The following LMO3 variants were observed in gnomAD, a reference collection of about 807,000 sequenced individuals.
LMO3 encodes LIM domain only protein 3.
LMO3 carries 2 observed loss-of-function variants against 15.8 expected under a neutral mutation model. The ratio of observed to expected loss-of-function variants is 0.13; its 90% CI spans 0.05 to 0.40. LMO3 has a LOEUF of 0.40. Among genes scored for constraint, LMO3 ranks in the 10% least tolerant of loss-of-function variants. The probability of loss-of-function intolerance (pLI) is 0.99; values close to 1 mark genes in which losing one functional copy is unlikely to be tolerated. For missense variants in LMO3, 86 were observed against 182.2 expected (o/e 0.47, Z 3.04); for synonymous variants, 62 against 63.8 (o/e 0.97, Z 0.13).
intron 3 of LMO3, among the ~76,000 whole-genome samples, chr12:16,553,900 T>C (rs957623867): frequency 6.6e-6 from 1 of 151,074 alleles, no homozygotes; most frequent in Non-Finnish European, 1.5e-5. Context: ...AAAGGAGTGA[T>C]AGCCAGAGGA....
Position 16,589,969 on chromosome 12 carries a change from C to T in LMO3, c.206+10686G>A, listed in dbSNP as rs1013989479. 6.6e-6 allele frequency among the ~76,000 whole-genome samples: 1 copy of T among 151,996 alleles called. No individual in the cohort carries two copies. The highest frequency in any genetic ancestry group is 1.5e-5 in the Non-Finnish European group (1 of 67,990). ...TTTGTGCATGAAGTATAAATGCCAC[C>T]GTTTTTGAAAGCCCACCCATTCATC... is the stretch of plus-strand genomic sequence containing the variant. On this transcript the variant is annotated intron_variant, in intron 2 of 3. Transcript: ENST00000537304. This position sits in a 1 kb window ranked among gnomAD's most constrained non-coding sequence, Gnocchi z 4.2.
chr12:16,582,710 C>A lies in LMO3; in HGVS notation c.206+17945G>T, dbSNP rs896787269. 2.6e-5 allele frequency among the ~76,000 whole-genome samples: 4 copies of A among 151,998 alleles called. No homozygotes were observed. Among genetic ancestry groups the A allele is most frequent in the African/African-American group, 9.7e-5 (4 of 41,382 alleles). On this transcript the variant is annotated intron_variant, in intron 2 of 3. Coordinates refer to ENST00000537304, the MANE Select transcript of LMO3 (RefSeq NM_018640.5). The surrounding 1 kb of genome is among the most constrained non-coding windows in gnomAD (Gnocchi z 4.1). The stretch of plus-strand genomic sequence containing the variant: ...AAGATCACCGTTCCTAGGTACGGTC[C>A]CTCACTCTTTTAAGTATCTGATTGG...
At chr12:16,605,436 G>GGCC in intron 1 of LMO3, 3 of 372,022 alleles carry the variant, frequency 8.1e-6, no homozygotes, top group South Asian at 1.2e-4. Context: ...CTACCCGCCT[G>GGCC]CCCCCCCCCC....
upstream of LMO3, chr12:16,607,051 A>T (rs1469724410): frequency 3.3e-5 from 5 of 152,416 alleles, no homozygotes; most frequent in East Asian, 9.6e-4. Flanking sequence ...AAATGCCTGG[A>T]GGTGGCTGCA....
chr12:16,567,600 A>G (rs148121744), intron 2 of LMO3: 68 of 152,348 alleles, frequency 4.5e-4, no homozygotes, highest in African/African-American at 1.6e-3. Flanking sequence ...AGAAGCCTCT[A>G]TGTGGTCAAG....
chr12:16,604,102 T>C lies in LMO3; in HGVS notation c.-9+1964A>G, dbSNP rs1943914382. On this transcript the variant is annotated intron_variant, in intron 1 of 3. Coordinates refer to ENST00000537304, the MANE Select transcript of LMO3 (RefSeq NM_018640.5). This position sits in a 1 kb window ranked among gnomAD's most constrained non-coding sequence, Gnocchi z 5.3. Reference sequence around the variant, plus strand: ...GAATTTGGCCAACATGGCCATTCGATTGCCAAGAGGCACCAGACAAAAGAT... The same window carrying C: ...GAATTTGGCCAACATGGCCATTCGACTGCCAAGAGGCACCAGACAAAAGAT... Among the ~76,000 whole-genome samples, 1 of 152,312 alleles carries C rather than the reference T, an allele frequency of 6.6e-6. No individual in the cohort carries two copies. The highest frequency in any genetic ancestry group is 3.4e-3 in the Middle Eastern group (1 of 294).
intron 1 of LMO3, 137 bp downstream of exon 1, chr12:16,605,929 G>A: frequency 9.0e-7 from 1 of 1,106,416 alleles, no homozygotes; most frequent in Non-Finnish European, 1.3e-6. Flanking sequence ...GCGGAGCTGG[G>A]TTGCAGCTCC....
chr12:16,609,267 T>C (rs939537292), upstream of LMO3: 2 of 152,090 alleles, frequency 1.3e-5, no homozygotes, highest in African/African-American at 2.4e-5. Flanking sequence ...AAAAACACCA[T>C]TAACCCTCAG....
chr12:16,606,202 T>C (rs1471526923), upstream of LMO3: 1 of 207,896 alleles, frequency 4.8e-6, no homozygotes, highest in Non-Finnish European at 9.6e-6. Context: ...TGTCTATTTT[T>C]TTTTAAGTTT....
At chr12:16,562,270 C>G (rs1942434091) in intron 2 of LMO3, among the ~76,000 whole-genome samples, 1 of 152,102 alleles carries the variant, frequency 6.6e-6, no homozygotes, top group African/African-American at 2.4e-5. Flanking sequence ...TAGGAGATCA[C>G]TTACATGTGC....
chr12:16,605,953 T>G (rs1943981693), intron 1 of LMO3, 113 bp downstream of exon 1: 1 of 815,098 alleles, frequency 1.2e-6, no homozygotes, highest in African/African-American at 1.7e-5. Flanking sequence ...TTATGCCTCA[T>G]TAGCAGAGGT....
rs200248864 is a variant in LMO3, at chr12:16,566,687, AAAT to A, written c.207-6152_207-6150del. 5.0e-3 allele frequency among the ~76,000 whole-genome samples: 762 copies of A among 152,246 alleles called. 7 individuals carry two copies. Among genetic ancestry groups the A allele is most frequent in the African/African-American group, 0.018 (741 of 41,548 alleles). On this transcript the variant is annotated intron_variant, in intron 2 of 3. Transcript: ENST00000537304. ...CTAGCTTATTTAGTTCAGCCTTTGT[AAAT>A]AATATTTTTCTTTATTAACACATAC...
In LMO3 at chr12:16,604,928, A is replaced by T. The variant is rs1943938495; in HGVS notation, c.-9+1138T>A. 1 of 1,598,438 alleles carries T rather than the reference A, an allele frequency of 6.3e-7. No individual in the cohort carries two copies. Among genetic ancestry groups the T allele is most frequent in the Non-Finnish European group, 8.5e-7 (1 of 1,179,794 alleles). On this transcript the variant is annotated intron_variant, in intron 1 of 3. Transcript: ENST00000537304. The surrounding 1 kb of genome is among the most constrained non-coding windows in gnomAD (Gnocchi z 5.3). ...CGTGTCTGAGTTGCAGCAGCTTCGC[A>T]TTGAGCACCAAACCCAAAGGTAGAA...
chr12:16,608,553 C>T (rs529456420), upstream of LMO3: 1 of 152,280 alleles, frequency 6.6e-6, no homozygotes, highest in Admixed American at 6.5e-5. This position sits in a 1 kb window ranked among gnomAD's most constrained non-coding sequence, Gnocchi z 4.1. Context: ...CCTGCAAAGA[C>T]ATTAACCACT....
At position 16,593,660 on chromosome 12, in the gene LMO3, A is replaced by G. The variant is rs2137643787; in HGVS notation, c.206+6995T>C. Among the ~76,000 whole-genome samples the G allele has an allele frequency of 6.6e-6, 1 of 151,916 alleles. No individual in the cohort carries two copies. Among genetic ancestry groups the G allele is most frequent in the African/African-American group, 2.4e-5 (1 of 41,528 alleles). ...ATGTAGTTAGTTTGTGAAGATAGAA[A>G]ACGTTTGGCTTCTATAATAAGAGGA... is the stretch of plus-strand genomic sequence containing the variant. On this transcript the variant is annotated intron_variant, in intron 2 of 3. Transcript: ENST00000537304. This position sits in a 1 kb window ranked among gnomAD's most constrained non-coding sequence, Gnocchi z 4.2.
At chr12:16,605,761 GT>G (rs1943973987) in intron 1 of LMO3, 1 of 1,535,138 alleles carries the variant, frequency 6.5e-7, no homozygotes, top group Non-Finnish European at 8.7e-7. Flanking sequence ...ATCCACTCGA[GT>G]CGTACTTGAG....
chr12:16,552,586 T>C (rs1942030670), intron 3 of LMO3, among the ~76,000 whole-genome samples: 1 of 151,952 alleles, frequency 6.6e-6, no homozygotes, highest in Admixed American at 6.6e-5. Flanking sequence ...GAGAGGAAAA[T>C]AGTGTAATAA....
In LMO3 at chr12:16,585,756, G is replaced by T. The variant is rs1047490963; in HGVS notation, c.206+14899C>A. Among the ~76,000 whole-genome samples, 7 of 152,164 alleles carry T rather than the reference G, an allele frequency of 4.6e-5. No homozygotes were observed. The highest frequency in any genetic ancestry group is 7.2e-5 in the African/African-American group (3 of 41,440). On this transcript the variant is annotated intron_variant, in intron 2 of 3. Coordinates refer to ENST00000537304, the MANE Select transcript of LMO3 (RefSeq NM_018640.5). The surrounding 1 kb of genome is among the most constrained non-coding windows in gnomAD (Gnocchi z 4.7). ...AAATATGGGTGAGAAATTACAAAAG[G>T]CTGGAGAATCAATTAACATATATAC...
chr12:16,577,946 G>T (rs1943044524), intron 2 of LMO3, among the ~76,000 whole-genome samples: 1 of 152,122 alleles, frequency 6.6e-6, no homozygotes, highest in Admixed American at 6.6e-5. Flanking sequence ...TTATTTATCA[G>T]AAATTTGAGT....
Sources: gnomAD v4.1 joint callset for allele counts (sites outside exome capture counted in the v4.1 genomes callset) on GRCh38, gnomAD v4.1.1 for gene constraint, Gnocchi (gnomAD v3.1) non-coding constraint, MANE v1.5 for transcripts, NCBI Gene and HGNC (gene_info 2026-07-23, HGNC 2026-07-21) for gene names.